COL4A2: variants seen among roughly 807,000 people sequenced by gnomAD.
COL4A2 encodes collagen alpha-2(IV) chain.
A neutral mutation model predicts 200.2 loss-of-function variants in COL4A2; 99 were observed. That is an observed-to-expected ratio of 0.49 (90% CI 0.42 to 0.58). COL4A2 has a LOEUF of 0.58. Ranked by LOEUF, COL4A2 falls within the 20% of genes least tolerant of loss-of-function variation. The pLI is 0.00. For missense variants in COL4A2, 1,950 were observed against 2,314.1 expected, an observed-to-expected ratio of 0.84 and a Z score of 3.23; for synonymous variants, 897 against 900.6, an observed-to-expected ratio of 1.00 and a Z score of 0.07.
In COL4A2 at chr13:110,513,043, C is replaced by T. The variant is rs6492279; in HGVS notation, c.*852C>T. On this transcript the variant is annotated 3_prime_UTR_variant, in exon 48 of 48. Coordinates refer to ENST00000360467, the MANE Select transcript of COL4A2 (RefSeq NM_001846.4). ...TATTTTTAAACCCCGAGTTGTTGAC[C>T]GCCTTAATCTCGTGTCCATAGAGCA... 67,812 of 152,034 alleles carry T rather than the reference C, an allele frequency of 0.45. 15,255 individuals are homozygous for T. The highest frequency in any genetic ancestry group is 0.75 in the East Asian group (3,892 of 5,170). 9.4% of individuals were successfully genotyped at this position (152,034 alleles called of 1,614,324 possible). A position where few individuals can be genotyped will look rare whatever the true frequency, so the allele number is the denominator to read the frequency against.
At position 110,431,912 on chromosome 13, in the gene COL4A2, C is replaced by G. The variant is rs73617520; in HGVS notation, c.649-413C>G. ...GCTCTGCAGTGCCAGCTTGTAGATTCATTCTGTCCATGAAAGTTGGCCAAG... is the reference window on the plus strand; with the variant it reads ...GCTCTGCAGTGCCAGCTTGTAGATTGATTCTGTCCATGAAAGTTGGCCAAG... On this transcript the variant is annotated intron_variant, in intron 10 of 47. Transcript: ENST00000360467. 5.4e-3 allele frequency among the ~76,000 whole-genome samples: 820 copies of G among 152,320 alleles called. 9 individuals carry two copies. The highest frequency in any genetic ancestry group is 0.018 in the African/African-American group (760 of 41,572).
rs1329562366 is a variant in COL4A2 at position 110,307,407 on chromosome 13, G to A, written c.-166G>A. The A allele has an allele frequency of 4.8e-6, 1 of 209,444 alleles. No individual in the cohort carries two copies. The highest frequency in any genetic ancestry group is 1.8e-4 in the South Asian group (1 of 5,470). 13.0% of individuals were successfully genotyped at this position (209,444 alleles called of 1,614,324 possible). On this transcript the variant is annotated 5_prime_UTR_variant, in exon 1 of 48. Coordinates refer to ENST00000360467, the MANE Select transcript of COL4A2 (RefSeq NM_001846.4). The surrounding 1 kb of genome is among the most constrained non-coding windows in gnomAD (Gnocchi z 5.0). Reference sequence around the variant, plus strand: ...GGCCGAGGACCGAAAGGGGCCGCCCGAGCCCCCGGGGCCGGCGCCCAGAGA... The same window carrying A: ...GGCCGAGGACCGAAAGGGGCCGCCCAAGCCCCCGGGGCCGGCGCCCAGAGA...
rs1466464835 is a variant in COL4A2, at chr13:110,474,712, CATG to C, written c.2425+1565_2425+1567del. Among the ~76,000 whole-genome samples, 3 of 135,426 alleles carry C rather than the reference CATG, an allele frequency of 2.2e-5. 1 individual carries two copies. Among genetic ancestry groups the C allele is most frequent in the Non-Finnish European group, 3.2e-5 (2 of 62,670 alleles). 88.8% of individuals were successfully genotyped at this position (135,426 alleles called of 152,430 possible). A position where few individuals can be genotyped will look rare whatever the true frequency, so the allele number is the denominator to read the frequency against. On this transcript the variant is annotated intron_variant, in intron 29 of 47. Coordinates refer to ENST00000360467, the MANE Select transcript of COL4A2 (RefSeq NM_001846.4). Reference sequence around the variant, plus strand: ...CCACACACGTGCCTGTGTACACTCACATGATCACACACGCACGTACCCACACAC... The same window carrying C: ...CCACACACGTGCCTGTGTACACTCACATCACACACGCACGTACCCACACAC...
chr13:110,497,462 G>A (rs1039991044), intron 40 of COL4A2, among the ~76,000 whole-genome samples: 3 of 145,018 alleles, frequency 2.1e-5, no homozygotes, highest in East Asian at 4.3e-4. Context: ...ATCTAGGTCA[G>A]TCCACCAGCA....
At chr13:110,434,486 C>G in intron 12 of COL4A2, 44 bp downstream of exon 12, 2 of 1,584,802 alleles carry the variant, frequency 1.3e-6, no homozygotes, top group Non-Finnish European at 8.6e-7. Context: ...TGCAGCATTT[C>G]TCAGCCAGGA....
chr13:110,439,587 C>G (rs1426491265), intron 15 of COL4A2, among the ~76,000 whole-genome samples: 1 of 152,218 alleles, frequency 6.6e-6, no homozygotes, highest in Non-Finnish European at 1.5e-5. Flanking sequence ...CTCCCCACAA[C>G]TTTGTAAAGG....
intron 4 of COL4A2, among the ~76,000 whole-genome samples, chr13:110,367,186 A>G (rs1723233691): frequency 2.6e-5 from 4 of 152,362 alleles, no homozygotes; most frequent in Admixed American, 2.6e-4. Context: ...CACCGTAGGA[A>G]CAAAAGTTTT....
rs1256558969 is a variant in COL4A2, at chr13:110,508,726, T to C, written c.4881+505T>C. On this transcript the variant is annotated intron_variant, in intron 47 of 47. Transcript: ENST00000360467. The surrounding 1 kb of genome is among the most constrained non-coding windows in gnomAD (Gnocchi z 6.1). ...ATAAAATAGAGAGCCTGTGGATACT[T>C]TGAAAGCCAGGAGAAGGTGCACAAC... 6.6e-6 allele frequency among the ~76,000 whole-genome samples: 1 copy of C among 152,180 alleles called. No individual in the cohort carries two copies. Among genetic ancestry groups the C allele is most frequent in the African/African-American group, 2.4e-5 (1 of 41,442 alleles).
chr13:110,489,372 A>G (rs897185152), intron 34 of COL4A2, 73 bp from the exon 35 acceptor site: 2 of 1,411,596 alleles, frequency 1.4e-6, no homozygotes, highest in Admixed American at 1.7e-5. Flanking sequence ...GGATAGTTAA[A>G]TAAGTGAGCT....
intron 3 of COL4A2, among the ~76,000 whole-genome samples, chr13:110,308,408 T>A (rs1486160001): frequency 6.6e-6 from 1 of 152,106 alleles, no homozygotes; most frequent in Non-Finnish European, 1.5e-5. Flanking sequence ...TTTCGTTGCT[T>A]TGGGCAAAGC....
chr13:110,494,780 TG>T (rs1399563290), intron 39 of COL4A2, among the ~76,000 whole-genome samples: 2 of 152,244 alleles, frequency 1.3e-5, no homozygotes, highest in Non-Finnish European at 2.9e-5. Context: ...ATGTGCTGTT[TG>T]TAGACATTTC....
chr13:110,437,201 A>C (rs1880922711), intron 13 of COL4A2, among the ~76,000 whole-genome samples: 1 of 152,118 alleles, frequency 6.6e-6, no homozygotes, highest in South Asian at 2.1e-4. Context: ...CTTGTGGGGG[A>C]AATCAACCCA....
At chr13:110,486,851 GATAATGTC>G (rs1883135201) in intron 34 of COL4A2, among the ~76,000 whole-genome samples, 1 of 152,176 alleles carries the variant, frequency 6.6e-6, no homozygotes, top group African/African-American at 2.4e-5. Flanking sequence ...AATTTCACAA[GATAATGTC>G]ATCAGTTAAG....
At chr13:110,430,037 T>G in intron 8 of COL4A2, 81 bp downstream of exon 8, 1 of 1,397,392 alleles carries the variant, frequency 7.2e-7, no homozygotes, top group East Asian at 2.4e-5. Flanking sequence ...CCAAGTGAAC[T>G]TTGCATGTAA....
At chr13:110,341,500 G>T (rs1876452708) in intron 3 of COL4A2, among the ~76,000 whole-genome samples, 1 of 152,228 alleles carries the variant, frequency 6.6e-6, no homozygotes. Flanking sequence ...CTGCCTATTG[G>T]CTTTTAGATC....
At chr13:110,480,581 A>G (rs1038708442) in intron 31 of COL4A2, among the ~76,000 whole-genome samples, 191 bp downstream of exon 31, 1 of 152,140 alleles carries the variant, frequency 6.6e-6, no homozygotes, top group African/African-American at 2.4e-5. Context: ...TGCTGCTTAG[A>G]CGCGGGTGGG....
chr13:110,367,658 A>G (rs1214337192), intron 4 of COL4A2, among the ~76,000 whole-genome samples: 1 of 152,272 alleles, frequency 6.6e-6, no homozygotes, highest in Non-Finnish European at 1.5e-5. Context: ...AGGCTTTCTC[A>G]GGTTTGGTGA....
chr13:110,311,801 G>A (rs1884991089), intron 3 of COL4A2, among the ~76,000 whole-genome samples: 1 of 152,214 alleles, frequency 6.6e-6, no homozygotes, highest in Admixed American at 6.5e-5. Flanking sequence ...CCTCTGGCCG[G>A]GACCTGGGGC....
Position 110,430,415 on chromosome 13 carries a change from G to A in COL4A2, c.564G>A (p.Glu188=). Residue 188 remains glutamate (E), a synonymous_variant, in exon 9 of 48, where the codon GAG becomes GAA. Coordinates refer to ENST00000360467, the MANE Select transcript of COL4A2 (RefSeq NM_001846.4). ...ERDRYRGEPG[E]PGLVGFQGPP... is the part of the protein sequence containing the mutation. ...TTCTCCATTAGGGTGAACCTGGAGA[G>A]CCTGGATTGGTCGGTTTCCAGGTAA... 1.9e-6 allele frequency: 3 copies of A among 1,614,156 alleles called. No individual in the cohort carries two copies. The highest frequency in any genetic ancestry group is 2.5e-6 in the Non-Finnish European group (3 of 1,180,024).
Sources: allele counts gnomAD v4.1 joint callset (sites outside exome capture counted in the v4.1 genomes callset), GRCh38; gene constraint gnomAD v4.1.1; non-coding constraint Gnocchi (gnomAD v3.1); transcripts MANE v1.5; gene names NCBI Gene and HGNC (gene_info 2026-07-23, HGNC 2026-07-21).